The following COL4A2 variants were observed in gnomAD, a reference collection of about 807,000 sequenced individuals.
COL4A2 encodes collagen type IV alpha 2 chain, also known as collagen alpha-2(IV) chain.
A neutral mutation model predicts 200.2 loss-of-function variants in COL4A2; 99 were observed. The ratio of observed to expected loss-of-function variants is 0.49; its 90% CI spans 0.42 to 0.58. The LOEUF is 0.58. Ranked by LOEUF, COL4A2 falls within the 20% of genes least tolerant of loss-of-function variation. The pLI, the probability that COL4A2 is intolerant of heterozygous loss-of-function variation, is 0.00. For synonymous variants in COL4A2, 897 were observed against 900.6 expected, an observed-to-expected ratio of 1.00 and a Z score of 0.07; for missense variants, 1,950 against 2,314.1, an observed-to-expected ratio of 0.84 and a Z score of 3.23.
intron 4 of COL4A2, among the ~76,000 whole-genome samples, chr13:110,368,203 GA>G (rs1372817343): frequency 6.6e-6 from 1 of 152,188 alleles, no homozygotes; most frequent in Non-Finnish European, 1.5e-5. Context: ...GGACTCCAGG[GA>G]GAGAAATTGG....
intron 3 of COL4A2, among the ~76,000 whole-genome samples, chr13:110,311,269 G>A (rs1402761121): frequency 6.6e-6 from 1 of 152,212 alleles, no homozygotes; most frequent in Non-Finnish European, 1.5e-5. Flanking sequence ...GTGAACCCAG[G>A]TGATCTGTGT....
intron 4 of COL4A2, among the ~76,000 whole-genome samples, chr13:110,381,564 C>G (rs1594180917): frequency 6.6e-6 from 1 of 152,202 alleles, no homozygotes; most frequent in Admixed American, 6.5e-5. Flanking sequence ...TCTCGCACAA[C>G]TGGAGATACC....
intron 27 of COL4A2, among the ~76,000 whole-genome samples, chr13:110,468,974 A>C (rs1302331103): frequency 3.3e-5 from 5 of 152,316 alleles, no homozygotes; most frequent in East Asian, 1.9e-4. Flanking sequence ...CAAAGCCCTC[A>C]TTTAGAGCAC....
intron 32 of COL4A2, among the ~76,000 whole-genome samples, chr13:110,484,401 C>T (rs959616450): frequency 2.6e-5 from 4 of 152,100 alleles, no homozygotes; most frequent in East Asian, 1.9e-4. Context: ...CCGCCCGGCC[C>T]GCAGCTCTGG....
At chr13:110,358,350 C>T (rs1202169389) in intron 4 of COL4A2, among the ~76,000 whole-genome samples, 3 of 152,182 alleles carry the variant, frequency 2.0e-5, no homozygotes, top group Non-Finnish European at 2.9e-5. Context: ...GGCAATAACA[C>T]GCATGGAGCC....
intron 3 of COL4A2, among the ~76,000 whole-genome samples, chr13:110,326,035 C>T (rs1262567942): frequency 6.6e-6 from 1 of 152,166 alleles, no homozygotes; most frequent in East Asian, 1.9e-4. Context: ...ATCCTCCCTC[C>T]TTGGCCTCCC....
chr13:110,462,323 G>C lies in COL4A2; in HGVS notation c.1715G>C (p.Gly572Ala). The change falls in exon 24 of 48, where the codon GGT (glycine) becomes GCT (alanine). Residue 572 changes from glycine (G) to alanine (A), a missense_variant. Gly to Ala is a moderately conservative substitution (Grantham distance 60). Transcript: ENST00000360467. The part of the protein sequence containing the change: ...PGVPGVPGMK[G>A]DDGSPGRDGL... ...GTCCCAGGTGTGCCCGGGATGAAAG[G>C]TGACGATGGCAGCCCAGGCCGCGAT... 6.2e-7 allele frequency: 1 copy of C among 1,614,174 alleles called. No homozygotes were observed.
chr13:110,371,505 T>A (rs1878006206), intron 4 of COL4A2, among the ~76,000 whole-genome samples: 1 of 152,220 alleles, frequency 6.6e-6, no homozygotes, highest in East Asian at 1.9e-4. Context: ...TTTTAGTTAT[T>A]TTTAGCACTT....
At chr13:110,497,062 A>G (rs1364756714) in intron 40 of COL4A2, among the ~76,000 whole-genome samples, 2 of 147,172 alleles carry the variant, frequency 1.4e-5, no homozygotes, top group Admixed American at 1.3e-4. Flanking sequence ...AGCTCCACTG[A>G]GGAGTGAGAA....
chr13:110,445,722 C>T lies in COL4A2; in HGVS notation c.958-107C>T, dbSNP rs892235099. The T allele has an allele frequency of 3.5e-6, 5 of 1,409,716 alleles. No homozygotes were observed. The African/African-American group carries it at 7.0e-5, about 20-fold the overall frequency. 87.3% of individuals were successfully genotyped at this position (1,409,716 alleles called of 1,614,324 possible). ...GAGCACAGACTGGGTTAATACATGA[C>T]TTTAATAAACTGTTGTTCATTTTGT... On this transcript the variant is annotated intron_variant, in intron 16 of 47. Transcript: ENST00000360467.
chr13:110,494,397 G>T (rs1317099155), intron 39 of COL4A2, among the ~76,000 whole-genome samples: 2 of 152,142 alleles, frequency 1.3e-5, no homozygotes, highest in African/African-American at 4.8e-5. Context: ...AAATTTTAAT[G>T]TCCTTGTCTT....
chr13:110,335,419 G>GTTTA (rs1436796950), intron 3 of COL4A2, among the ~76,000 whole-genome samples: 2 of 152,086 alleles, frequency 1.3e-5, no homozygotes, highest in African/African-American at 4.8e-5. Flanking sequence ...AGATCTGATG[G>GTTTA]TTTAATAAGG....
intron 3 of COL4A2, among the ~76,000 whole-genome samples, chr13:110,338,438 G>A (rs557369364): frequency 6.7e-6 from 1 of 150,132 alleles, no homozygotes; most frequent in African/African-American, 2.4e-5. Context: ...TGTGTGTGGG[G>A]GGGGGTGGGG....
In COL4A2 at chr13:110,509,294, C is replaced by G. The variant is rs1383119163; in HGVS notation, c.4881+1073C>G. 2.1e-5 allele frequency among the ~76,000 whole-genome samples: 3 copies of G among 139,944 alleles called. No individual in the cohort carries two copies. The East Asian group carries it at 7.2e-4, about 33-fold the overall frequency. 91.8% of individuals were successfully genotyped at this position (139,944 alleles called of 152,430 possible). ...ATACACACACACACACACACACACA[C>G]ACAACATAAAATATAAATTACATAG... On this transcript the variant is annotated intron_variant, in intron 47 of 47. Transcript: ENST00000360467.
chr13:110,512,664 A>G lies in COL4A2; in HGVS notation c.*473A>G, dbSNP rs1177068508. ...GTGGGTGGGCCTGGCCCTGCTTTCTACGCCAATGTTATGCCAGCTCCATGT... is the reference window on the plus strand; with the variant it reads ...GTGGGTGGGCCTGGCCCTGCTTTCTGCGCCAATGTTATGCCAGCTCCATGT... On this transcript the variant is annotated 3_prime_UTR_variant, in exon 48 of 48. Coordinates refer to ENST00000360467, the MANE Select transcript of COL4A2 (RefSeq NM_001846.4). 5 of 169,002 alleles carry G rather than the reference A, an allele frequency of 3.0e-5. No individual in the cohort carries two copies. Among genetic ancestry groups the G allele is most frequent in the African/African-American group, 9.6e-5 (4 of 41,722 alleles). 10.5% of individuals were successfully genotyped at this position (169,002 alleles called of 1,614,324 possible).
At chr13:110,319,755 T>C (rs1566471118) in intron 3 of COL4A2, among the ~76,000 whole-genome samples, 2 of 152,190 alleles carry the variant, frequency 1.3e-5, no homozygotes, top group African/African-American at 4.8e-5. Flanking sequence ...CCTGAGGTGA[T>C]CTCCTGTCCT....
At chr13:110,441,590 A>G (rs1205311143) in intron 16 of COL4A2, among the ~76,000 whole-genome samples, 5 of 152,206 alleles carry the variant, frequency 3.3e-5, no homozygotes, top group African/African-American at 1.2e-4. Context: ...ATCCAAATGC[A>G]CCCCACCCAG....
rs758608366 is a variant in COL4A2, at chr13:110,450,469, A to G, written c.1339+15A>G. 6.2e-7 allele frequency: 1 copy of G among 1,612,948 alleles called. No individual in the cohort carries two copies. Among genetic ancestry groups the G allele is most frequent in the African/African-American group, 1.3e-5 (1 of 74,898 alleles). On this transcript the variant is annotated intron_variant, in intron 20 of 47. Coordinates refer to ENST00000360467, the MANE Select transcript of COL4A2 (RefSeq NM_001846.4). The stretch of plus-strand genomic sequence containing the variant: ...TGGACCTGATGGTGAGTGGAGGGAA[A>G]CAAAAGGGAGGGTGTAGCCTAATGT...
chr13:110,458,140 C>A, intron 21 of COL4A2: 1 of 470,368 alleles, frequency 2.1e-6, no homozygotes, highest in South Asian at 1.6e-5. Context: ...CATTCAGCAC[C>A]CCGCTGTGGA....
Sources: allele counts gnomAD v4.1 joint callset (sites outside exome capture counted in the v4.1 genomes callset), GRCh38; gene constraint gnomAD v4.1.1; transcripts MANE v1.5; gene names NCBI Gene and HGNC (gene_info 2026-07-23, HGNC 2026-07-21).